TMEM182: variants seen among roughly 807,000 people sequenced by gnomAD.
The protein encoded by TMEM182 is transmembrane protein 182.
A neutral mutation model predicts 26.8 loss-of-function variants in TMEM182; 20 were observed. That is an observed-to-expected ratio of 0.75 (90% confidence interval 0.53 to 1.09). The LOEUF is 1.09. TMEM182 is among the 50% of genes least tolerant of loss of function. The probability of loss-of-function intolerance (pLI) is 0.00; values close to 1 mark genes in which losing one functional copy is unlikely to be tolerated. For missense variants in TMEM182, 277 were observed against 275.5 expected (o/e 1.01, Z -0.04); for synonymous variants, 109 against 102.2 (o/e 1.07, Z -0.40).
intron 4 of TMEM182, among the ~76,000 whole-genome samples, chr2:102,799,134 G>A (rs1682005491): frequency 6.6e-6 from 1 of 152,186 alleles, no homozygotes; most frequent in Non-Finnish European, 1.5e-5. Context: ...AGACCAAACT[G>A]TACATACTAT....
intron 3 of TMEM182, among the ~76,000 whole-genome samples, chr2:102,824,969 T>C (rs186281348): frequency 3.3e-5 from 5 of 152,334 alleles, no homozygotes; most frequent in Admixed American, 1.3e-4. Context: ...CTTTATCAAT[T>C]TCCCAGTCTC....
intron 3 of TMEM182, among the ~76,000 whole-genome samples, chr2:102,773,892 G>A (rs184402296): frequency 8.6e-5 from 13 of 152,044 alleles, no homozygotes; most frequent in Admixed American, 3.9e-4. Context: ...AACATCACCC[G>A]TAAAAAACAA....
At chr2:102,745,461 CCT>C (rs1057057399) in intron 1 of TMEM182, among the ~76,000 whole-genome samples, 4 of 151,956 alleles carry the variant, frequency 2.6e-5, no homozygotes, top group Non-Finnish European at 4.4e-5. Flanking sequence ...CCCTTCTCTC[CCT>C]CTCTTTCCAA....
At chr2:102,775,575 G>A (rs1038006167) in intron 3 of TMEM182, 73 of 152,136 alleles carry the variant, frequency 4.8e-4, no homozygotes, top group African/African-American at 1.5e-3. Flanking sequence ...AGGGTATTCA[G>A]TTAGGAAAAG....
chr2:102,835,412 C>T (rs1683225961), intron 3 of TMEM182, among the ~76,000 whole-genome samples: 1 of 152,178 alleles, frequency 6.6e-6, no homozygotes, highest in Admixed American at 6.5e-5. Context: ...TTACCATCAT[C>T]CTCCACCACA....
At chr2:102,810,400 A>G (rs1682512975) in intron 4 of TMEM182, among the ~76,000 whole-genome samples, 1 of 152,256 alleles carries the variant, frequency 6.6e-6, no homozygotes, top group East Asian at 1.9e-4. Flanking sequence ...TTTTGTTTCC[A>G]TACTGTGATT....
Position 102,762,306 on chromosome 2 carries a change from G to T in TMEM182, c.89G>T (p.Trp30Leu). The T allele has an allele frequency of 6.2e-7, 1 of 1,613,820 alleles. No individual in the cohort carries two copies. Among genetic ancestry groups the T allele is most frequent in the Non-Finnish European group, 8.5e-7 (1 of 1,179,882 alleles). ...LFLVAFGSDY[W>L]LLATEVGRCS... ...TTGGTGGCTTTTGGATCGGATTATT[G>T]GCTTCTTGCAACTGAAGTGGGGAGA... is the stretch of plus-strand genomic sequence containing the variant. The change falls in exon 1 of 5, where the codon TGG (tryptophan) becomes TTG (leucine). Residue 30 changes from tryptophan to leucine, a missense_variant. Trp to Leu is a moderately conservative substitution (Grantham distance 61). Coordinates refer to ENST00000412401, the MANE Select transcript of TMEM182 (RefSeq NM_144632.5).
chr2:102,784,184 T>C (rs979386853), intron 3 of TMEM182, among the ~76,000 whole-genome samples: 1 of 152,204 alleles, frequency 6.6e-6, no homozygotes, highest in Admixed American at 6.5e-5. Flanking sequence ...TATTCAAATT[T>C]ATCTATAAGG....
chr2:102,765,660 C>T (rs1195890726), intron 3 of TMEM182, among the ~76,000 whole-genome samples: 1 of 152,098 alleles, frequency 6.6e-6, no homozygotes, highest in Non-Finnish European at 1.5e-5. Context: ...TTAGTTTTGT[C>T]AAAGAATGTA....
chr2:102,750,385 C>G (rs1679843664), intron 1 of TMEM182, among the ~76,000 whole-genome samples: 1 of 152,138 alleles, frequency 6.6e-6, no homozygotes, highest in Non-Finnish European at 1.5e-5. Context: ...TAAGTAGGAC[C>G]ATTATTCCTA....
intron 3 of TMEM182, among the ~76,000 whole-genome samples, chr2:102,776,557 A>G (rs569537039): frequency 6.6e-6 from 1 of 152,210 alleles, no homozygotes; most frequent in South Asian, 2.1e-4. Context: ...TTATGCATTC[A>G]TCTATTGAAG....
intron 3 of TMEM182, among the ~76,000 whole-genome samples, chr2:102,786,561 C>G (rs1260027032): frequency 6.6e-6 from 1 of 152,110 alleles, no homozygotes; most frequent in Admixed American, 6.5e-5. Context: ...AACCTTGATA[C>G]CTTAGCTCTT....
At chr2:102,836,850 G>A (rs1030059745) in intron 3 of TMEM182, among the ~76,000 whole-genome samples, 13 of 152,184 alleles carry the variant, frequency 8.5e-5, no homozygotes, top group East Asian at 5.8e-4. Flanking sequence ...AATAGAAAGC[G>A]TTCAGTCCTT....
downstream of TMEM182, among the ~76,000 whole-genome samples, chr2:102,819,207 A>G (rs1682858057): frequency 6.6e-6 from 1 of 152,222 alleles, no homozygotes; most frequent in African/African-American, 2.4e-5. Context: ...CTGTTAAAAA[A>G]TTTACCAATG....
intron 3 of TMEM182, among the ~76,000 whole-genome samples, chr2:102,786,849 C>T (rs944754756): frequency 7.9e-5 from 12 of 152,144 alleles, no homozygotes; most frequent in Non-Finnish European, 1.6e-4. Flanking sequence ...GACTGAGTCC[C>T]GGACACTCAC....
exon 4 of TMEM182, chr2:102,843,819 A>C (rs978576519): frequency 2.0e-5 from 3 of 152,246 alleles, no homozygotes; most frequent in African/African-American, 7.2e-5. Flanking sequence ...ATTTCTAATT[A>C]AAGGCAATTT....
chr2:102,760,075 C>T (rs2540303), upstream of TMEM182, among the ~76,000 whole-genome samples: 48,093 of 152,048 alleles, frequency 0.32, 8,485 homozygotes, highest in African/African-American at 0.48. Context: ...CAGGTAAGAA[C>T]GGCTAGAATA....
At chr2:102,742,889 A>G (rs1298917385) in intron 1 of TMEM182, among the ~76,000 whole-genome samples, 1 of 152,194 alleles carries the variant, frequency 6.6e-6, no homozygotes, top group Non-Finnish European at 1.5e-5. Context: ...GATGAAATTC[A>G]TTTCCATTAG....
At chr2:102,758,937 A>G (rs185374146), upstream of TMEM182, among the ~76,000 whole-genome samples, 3 of 152,310 alleles carry the variant, frequency 2.0e-5, no homozygotes, top group Admixed American at 2.0e-4. Flanking sequence ...GTGGTCTTTC[A>G]TGGCATTTAT....
Sources: gnomAD v4.1 joint callset for allele counts (sites outside exome capture counted in the v4.1 genomes callset) on GRCh38, gnomAD v4.1.1 for gene constraint, MANE v1.5 for transcripts, NCBI Gene and HGNC (gene_info 2026-07-23, HGNC 2026-07-21) for gene names.